FKBP15: variants seen among roughly 807,000 people sequenced by gnomAD.
The protein encoded by FKBP15 is FKBP prolyl isomerase family member 15.
In FKBP15, 106 loss-of-function variants were observed where a neutral mutation model predicts 158.1. The observed-to-expected ratio is 0.67, with a 90% CI of 0.57 to 0.79. The LOEUF is 0.79. Among genes scored for constraint, FKBP15 ranks in the 30% least tolerant of loss-of-function variants. FKBP15 has a pLI of 0.00. For synonymous variants in FKBP15, 547 were observed against 548.6 expected (o/e 1.00, Z 0.04); for missense variants, 1,287 against 1,479.1 (o/e 0.87, Z 2.13).
chr9:113,172,985 A>G (rs1830240554), intron 23 of FKBP15, among the ~76,000 whole-genome samples: 1 of 152,040 alleles, frequency 6.6e-6, no homozygotes, highest in Non-Finnish European at 1.5e-5. Flanking sequence ...TACCAAAGCT[A>G]TTTGTCCTTC....
At chr9:113,178,161 G>C (rs1363581872) in intron 20 of FKBP15, among the ~76,000 whole-genome samples, 2 of 152,292 alleles carry the variant, frequency 1.3e-5, no homozygotes, top group Admixed American at 6.5e-5. Flanking sequence ...CAGCCAGCAG[G>C]CTTGCTGGCA....
intron 2 of FKBP15, among the ~76,000 whole-genome samples, chr9:113,208,352 A>G (rs1830935259): frequency 6.6e-6 from 1 of 152,160 alleles, no homozygotes; most frequent in South Asian, 2.1e-4. Context: ...AAACAAAAAA[A>G]CAACAAAAAA....
Position 113,162,479 on chromosome 9 carries a change from T to G in FKBP15, c.*3599A>C, listed in dbSNP as rs1830029266. The G allele has an allele frequency of 6.1e-6, 2 of 326,596 alleles. No individual in the cohort carries two copies. Among genetic ancestry groups the G allele is most frequent in the African/African-American group, 2.2e-5 (1 of 45,880 alleles). The allele number at this position is 326,596 out of a possible 1,614,324, so 20.2% of individuals were successfully genotyped here. ...TCTTATTCCTTATCAGAAAGACAGA[T>G]TATAGATACCCTCATTTTCCCCTTT... is the stretch of plus-strand genomic sequence containing the variant. On this transcript the variant is annotated 3_prime_UTR_variant, in exon 28 of 28. Transcript: ENST00000238256.
At chr9:113,193,393 T>C in intron 11 of FKBP15, 99 bp downstream of exon 11, 1 of 933,448 alleles carries the variant, frequency 1.1e-6, no homozygotes. Flanking sequence ...TAGGCTGGTC[T>C]TGAACTCCTG....
chr9:113,220,262 A>G (rs879827587), intron 1 of FKBP15, among the ~76,000 whole-genome samples: 6 of 152,246 alleles, frequency 3.9e-5, no homozygotes, highest in Non-Finnish European at 7.3e-5. Context: ...TACATTCTTC[A>G]GCACGCACAA....
chr9:113,164,819 CTTCTGCAGTGG>C lies in FKBP15; in HGVS notation c.*1248_*1258del, dbSNP rs1388992295. The C allele has an allele frequency of 6.6e-6, 1 of 152,220 alleles. No homozygotes were observed. Among genetic ancestry groups the C allele is most frequent in the Non-Finnish European group, 1.5e-5 (1 of 68,036 alleles). The allele number at this position is 152,220 out of a possible 1,614,324, so 9.4% of individuals were successfully genotyped here. ...CTCTATAAAATGGTGATAACACTGT[CTTCTGCAGTGG>C]TTGCTGGAGATAAGCCAGTCTGTGA... On this transcript the variant is annotated 3_prime_UTR_variant, in exon 28 of 28. Coordinates refer to ENST00000238256, the MANE Select transcript of FKBP15 (RefSeq NM_015258.2).
chr9:113,221,108 C>T (rs1831244643), intron 1 of FKBP15, 83 bp downstream of exon 1: 2 of 1,432,634 alleles, frequency 1.4e-6, no homozygotes, highest in South Asian at 2.7e-5. Flanking sequence ...TGGGAAAAGG[C>T]CTGAGAAGAG....
chr9:113,220,879 A>T (rs1166904940), intron 1 of FKBP15, among the ~76,000 whole-genome samples: 2 of 152,154 alleles, frequency 1.3e-5, no homozygotes, highest in Non-Finnish European at 2.9e-5. Context: ...GCTGACTCCT[A>T]TAAAAATTCT....
At chr9:113,206,208 G>A (rs1420137920) in intron 4 of FKBP15, 1 of 436,830 alleles carries the variant, frequency 2.3e-6, no homozygotes, top group African/African-American at 2.0e-5. Flanking sequence ...TTGTGTATGT[G>A]TGTGTACACA....
In FKBP15 at chr9:113,207,200, T is replaced by A. The variant is rs1228087226; in HGVS notation, c.254+12A>T. The A allele has an allele frequency of 6.2e-7, 1 of 1,607,914 alleles. No individual in the cohort carries two copies. The highest frequency in any genetic ancestry group is 1.1e-5 in the South Asian group (1 of 90,836). ...ACCAAACTTCAGAGGGTGTTCCTTC[T>A]CAGCGACTTACTATCGATATGCATG... On this transcript the variant is annotated intron_variant, in intron 3 of 27. Coordinates refer to ENST00000238256, the MANE Select transcript of FKBP15 (RefSeq NM_015258.2).
intron 4 of FKBP15, 131 bp from the exon 5 acceptor site, chr9:113,203,166 T>C (rs1023377339): frequency 1.9e-5 from 12 of 634,670 alleles, no homozygotes; most frequent in African/African-American, 1.7e-4. Context: ...TCAAAATCTA[T>C]TCATCCTTTA....
Position 113,169,513 on chromosome 9 carries a change from G to A in FKBP15, c.3196C>T (p.Pro1066Ser). The A allele has an allele frequency of 6.2e-7, 1 of 1,614,050 alleles. No individual in the cohort carries two copies. The highest frequency in any genetic ancestry group is 1.3e-5 in the African/African-American group (1 of 75,058). Residue 1066 changes from proline to serine, a missense_variant, in exon 26 of 28, where the codon CCA becomes TCA. Transcript: ENST00000238256. ...SECEESLAAS[P>S]MAAKPDNPSG... ...GGGTTGTCGGGCTTAGCTGCCATTG[G>A]GCTGGCAGCAAGTGACTCCTCACAC... is the stretch of plus-strand genomic sequence containing the variant.
intron 1 of FKBP15, among the ~76,000 whole-genome samples, chr9:113,217,822 C>T (rs997785051): frequency 1.3e-5 from 2 of 152,034 alleles, no homozygotes; most frequent in Non-Finnish European, 2.9e-5. Flanking sequence ...GCCTGGGCAA[C>T]AGAGAAAAAC....
chr9:113,210,332 CTTTTT>C (rs35201179), intron 2 of FKBP15, among the ~76,000 whole-genome samples: 5 of 114,740 alleles, frequency 4.4e-5, no homozygotes, highest in African/African-American at 1.7e-4. Context: ...GTTGTGATGG[CTTTTT>C]TTTTTTTTTT....
At position 113,198,029 on chromosome 9, in the gene FKBP15, T is replaced by C. The variant is rs1830720688; in HGVS notation, c.717+826A>G. Among the ~76,000 whole-genome samples, 1 of 152,224 alleles carries C rather than the reference T, an allele frequency of 6.6e-6. No individual in the cohort carries two copies. Among genetic ancestry groups the C allele is most frequent in the African/African-American group, 2.4e-5 (1 of 41,448 alleles). On this transcript the variant is annotated intron_variant, in intron 8 of 27. Coordinates refer to ENST00000238256, the MANE Select transcript of FKBP15 (RefSeq NM_015258.2). The surrounding 1 kb of genome is among the most constrained non-coding windows in gnomAD (Gnocchi z 5.2). ...CCATCACTACTATGTCCTGACACCA[T>C]AATATACCACATGTGTAAAACATTC... is the stretch of plus-strand genomic sequence containing the variant.
Position 113,166,172 on chromosome 9 carries a change from G to C in FKBP15, c.3583-17C>G. ...CTTCATGCTCTGATAAAACAGGAAA[G>C]AGCAGTCAGTCCTCACTTGTGCCTG... On this transcript the variant is annotated splice_polypyrimidine_tract_variant and intron_variant, in intron 27 of 27. Coordinates refer to ENST00000238256, the MANE Select transcript of FKBP15 (RefSeq NM_015258.2). The C allele has an allele frequency of 6.2e-7, 1 of 1,605,960 alleles. No homozygotes were observed. Among genetic ancestry groups the C allele is most frequent in the Non-Finnish European group, 8.5e-7 (1 of 1,175,684 alleles).
rs185760376 is a variant in FKBP15 at position 113,169,394 on chromosome 9, C to G, written c.3315G>C (p.Gly1105=). 34 of 1,614,040 alleles carry G rather than the reference C, an allele frequency of 2.1e-5. No homozygotes were observed. In the African/African-American group the frequency reaches 4.4e-4, roughly 21 times the overall value. The change falls in exon 26 of 28, where the codon GGG becomes GGC. Residue 1105 remains glycine (G), a synonymous_variant. Transcript: ENST00000238256. ...RLSLTSDPEE[G]DPLALGPESP... ...TTTCAGGCCCTAAGGCCAGTGGGTC[C>G]CCCTCCTCGGGGTCTGAAGTCAGGG...
At chr9:113,197,716 C>T (rs1830714335) in intron 8 of FKBP15, among the ~76,000 whole-genome samples, 1 of 152,188 alleles carries the variant, frequency 6.6e-6, no homozygotes, top group South Asian at 2.1e-4. Context: ...AAATGCTTTA[C>T]ATGCATGATC....
At chr9:113,179,636 G>A (rs1242546320) in intron 19 of FKBP15, among the ~76,000 whole-genome samples, 2 of 151,224 alleles carry the variant, frequency 1.3e-5, no homozygotes, top group African/African-American at 2.4e-5. Context: ...ACTCCTGCCT[G>A]GGCAACAGAG....
Sources: allele counts gnomAD v4.1 joint callset (sites outside exome capture counted in the v4.1 genomes callset), GRCh38; gene constraint gnomAD v4.1.1; non-coding constraint Gnocchi (gnomAD v3.1); transcripts MANE v1.5; gene names NCBI Gene and HGNC (gene_info 2026-07-23, HGNC 2026-07-21).